Variants in MMS19 observed in about 807,000 individuals in gnomAD.
MMS19 encodes MMS19 cytosolic iron-sulfur assembly component, also known as MMS19 nucleotide excision repair protein homolog.
A neutral mutation model predicts 129.8 loss-of-function variants in MMS19; 77 were observed. The observed-to-expected ratio is 0.59, with a 90% CI of 0.49 to 0.72. The LOEUF is 0.72. MMS19 is among the 30% of genes least tolerant of loss of function. The pLI, the probability that MMS19 is intolerant of heterozygous loss-of-function variation, is 0.00. For missense variants in MMS19, 1,168 were observed against 1,266.3 expected, an observed-to-expected ratio of 0.92 and a Z score of 1.18; for synonymous variants, 491 against 502.8, an observed-to-expected ratio of 0.98 and a Z score of 0.31.
chr10:97,480,836 T>C, intron 3 of MMS19, 106 bp downstream of exon 3: 3 of 746,334 alleles, frequency 4.0e-6, no homozygotes, highest in South Asian at 3.0e-5. Context: ...TAGTAGTTCA[T>C]AGATACTTTA....
At chr10:97,486,894 T>TATATATATATATAA (rs1554852566) in intron 1 of MMS19, among the ~76,000 whole-genome samples, 2 of 135,556 alleles carry the variant, frequency 1.5e-5, no homozygotes, top group Non-Finnish European at 3.2e-5. Context: ...TATATATATA[T>TATATATATATATAA]AAAATTAAGA....
At position 97,468,247 on chromosome 10, in the gene MMS19, C is replaced by A; in HGVS notation, c.1218+5G>T. ...TCATTTCCCCCAAAGATTCTGCTCC[C>A]TTACCTGACTGTGCTTGTGGAACTG... On this transcript the variant is annotated splice_donor_5th_base_variant and intron_variant, in intron 13 of 30. Coordinates refer to ENST00000438925, the MANE Select transcript of MMS19 (RefSeq NM_022362.5). 1 of 1,562,566 alleles carries A rather than the reference C, an allele frequency of 6.4e-7. No homozygotes were observed. Among genetic ancestry groups the A allele is most frequent in the South Asian group, 1.2e-5 (1 of 85,260 alleles).
Position 97,478,333 on chromosome 10 carries a change from G to C in MMS19, c.319C>G (p.Pro107Ala). 6.2e-7 allele frequency: 1 copy of C among 1,604,316 alleles called. No homozygotes were observed. Residue 107 changes from proline (P) to alanine (A), a missense_variant, in exon 4 of 31, where the codon CCA becomes GCA. This residue lies in a region of MMS19 where 329 missense variants were observed against 328.6 expected (regional missense o/e 1.00). Coordinates refer to ENST00000438925, the MANE Select transcript of MMS19 (RefSeq NM_022362.5). ...GCCTTCAAACCCTGCAGGACAGATG[G>C]GATCACAAGATGATGGTCCTTCAGC... Reference protein sequence around the residue: ...NRLKDHHLVIPSVLQGLKALS... With the variant: ...NRLKDHHLVIASVLQGLKALS...
chr10:97,498,126 G>C (rs2040138853), intron 1 of MMS19, 147 bp downstream of exon 1: 1 of 683,366 alleles, frequency 1.5e-6, no homozygotes, highest in Non-Finnish European at 2.4e-6. Flanking sequence ...ACTTGTTACG[G>C]CTCTGAACCT....
rs1231123448 is a variant in MMS19 at position 97,459,652 on chromosome 10, G to C, written c.2739+7C>G. 6.2e-7 allele frequency: 1 copy of C among 1,610,198 alleles called. No homozygotes were observed. The highest frequency in any genetic ancestry group is 8.5e-7 in the Non-Finnish European group (1 of 1,178,070). On this transcript the variant is annotated splice_region_variant and intron_variant, in intron 27 of 30. Coordinates refer to ENST00000438925, the MANE Select transcript of MMS19 (RefSeq NM_022362.5). ...CTTTGCTTAGAAGCTCTGCCTGTGG[G>C]ACTTACCGTGGGCAGCTCTGGCAAG...
chr10:97,470,120 A>G lies in MMS19; in HGVS notation c.846+9T>C, dbSNP rs1477487786. 6.3e-7 allele frequency: 1 copy of G among 1,597,222 alleles called. No homozygotes were observed. The highest frequency in any genetic ancestry group is 8.6e-7 in the Non-Finnish European group (1 of 1,168,748). On this transcript the variant is annotated intron_variant, in intron 10 of 30. Transcript: ENST00000438925. ...GTAGCTGGGTCCTGCAAGGAGAAAA[A>G]TCACTCACCAGAGTCTGTAGAGAAT...
chr10:97,460,731 G>T lies in MMS19; in HGVS notation c.2433C>A (p.Leu811=). 6.3e-7 allele frequency: 1 copy of T among 1,599,642 alleles called. No individual in the cohort carries two copies. Among genetic ancestry groups the T allele is most frequent in the East Asian group, 2.2e-5 (1 of 44,520 alleles). ...GGCAGGAGCTGAGAGGATGGTATCTGAGCACTAGGGCCTTTGTTACCTGTA... is the reference window on the plus strand; with the variant it reads ...GGCAGGAGCTGAGAGGATGGTATCTTAGCACTAGGGCCTTTGTTACCTGTA... The part of the protein sequence containing the change: ...LLLWVTKALV[L]RYHPLSSCLT... Residue 811 remains leucine, a synonymous_variant, in exon 25 of 31, where the codon CTC becomes CTA. Transcript: ENST00000438925.
chr10:97,482,851 C>T (rs933487847), intron 2 of MMS19, among the ~76,000 whole-genome samples: 11 of 151,954 alleles, frequency 7.2e-5, no homozygotes, highest in Admixed American at 2.0e-4. Context: ...AGCTCCGCCT[C>T]GCGGGTTCAC....
chr10:97,491,467 C>T (rs1269015238), intron 1 of MMS19, among the ~76,000 whole-genome samples: 1 of 151,846 alleles, frequency 6.6e-6, no homozygotes, highest in East Asian at 2.0e-4. Flanking sequence ...GAGATCGAGA[C>T]CAGTCTGGCC....
intron 3 of MMS19, among the ~76,000 whole-genome samples, chr10:97,479,170 G>A (rs939018443): frequency 1.3e-5 from 2 of 151,766 alleles, no homozygotes; most frequent in Non-Finnish European, 1.5e-5. Context: ...TAAACTCTCC[G>A]CTACTTAAAA....
Position 97,463,936 on chromosome 10 carries a change from C to G in MMS19, c.1834G>C (p.Asp612His). The G allele has an allele frequency of 6.2e-7, 1 of 1,612,900 alleles. No individual in the cohort carries two copies. The highest frequency in any genetic ancestry group is 8.5e-7 in the Non-Finnish European group (1 of 1,179,406). Residue 612 changes from aspartate to histidine, a missense_variant, in exon 19 of 31, where the codon GAC (aspartate) becomes CAC (histidine). Asp to His is a moderately conservative substitution (Grantham distance 81, BLOSUM62 -1). Coordinates refer to ENST00000438925, the MANE Select transcript of MMS19 (RefSeq NM_022362.5). ...LRQMAEKCQQ[D>H]PESCWYFHQT... ...TGGAAATACCAGCAACTCTCAGGGT[C>G]CTGCTGACATTTTTCTGCCATCTGT... is the stretch of plus-strand genomic sequence containing the variant.
At chr10:97,483,396 T>C (rs1162578228) in intron 2 of MMS19, among the ~76,000 whole-genome samples, 1 of 152,054 alleles carries the variant, frequency 6.6e-6, no homozygotes, top group Non-Finnish European at 1.5e-5. Flanking sequence ...GCCACCACAA[T>C]GTGAGCAGAA....
In MMS19 at chr10:97,461,571, A is replaced by G; in HGVS notation, c.2236T>C (p.Cys746Arg). 3.1e-6 allele frequency: 5 copies of G among 1,602,436 alleles called. No individual in the cohort carries two copies. Among genetic ancestry groups the G allele is most frequent in the Middle Eastern group, 1.7e-4 (1 of 6,010 alleles). Residue 746 changes from cysteine to arginine, a missense_variant, in exon 23 of 31, where the codon TGC (cysteine) becomes CGC (arginine). Around this residue, in one of 3 missense-constraint regions of MMS19, gnomAD observed 831 missense variants for 910.8 expected, o/e 0.91. Transcript: ENST00000438925. Reference sequence around the variant, plus strand: ...GAAGAAAAGGGGCAGCTGTGGCAGCAGCTCAGTTCCAAAAGCTCCCGCATG... The same window carrying G: ...GAAGAAAAGGGGCAGCTGTGGCAGCGGCTCAGTTCCAAAAGCTCCCGCATG... ...QLMRELLELSCCHSCPFSSTA... is the reference protein window; with the variant it reads ...QLMRELLELSRCHSCPFSSTA...
At chr10:97,486,004 CT>C (rs1786026784) in intron 1 of MMS19, among the ~76,000 whole-genome samples, 1 of 152,234 alleles carries the variant, frequency 6.6e-6, no homozygotes. Flanking sequence ...AAATCAGTAT[CT>C]GTAGAGATGT....
intron 19 of MMS19, among the ~76,000 whole-genome samples, chr10:97,463,437 G>A (rs2133334533): frequency 6.6e-6 from 1 of 152,360 alleles, no homozygotes; most frequent in South Asian, 2.1e-4. Context: ...GGGATTACAG[G>A]TGTGAACCAT....
chr10:97,466,431 C>T (rs2033504351), intron 16 of MMS19, 73 bp downstream of exon 16: 2 of 1,229,516 alleles, frequency 1.6e-6, no homozygotes, highest in South Asian at 2.4e-5. Flanking sequence ...GAGCCCTGGT[C>T]CTAGCTTGAT....
At chr10:97,491,423 C>T (rs1365001519) in intron 1 of MMS19, among the ~76,000 whole-genome samples, 1 of 152,118 alleles carries the variant, frequency 6.6e-6, no homozygotes, top group Non-Finnish European at 1.5e-5. Context: ...TCCCAGCACT[C>T]TGGGAGGACG....
chr10:97,491,158 C>G (rs1174023949), intron 1 of MMS19, among the ~76,000 whole-genome samples: 1 of 152,186 alleles, frequency 6.6e-6, no homozygotes, highest in East Asian at 1.9e-4. Context: ...ATAATGGGCA[C>G]AGAAGGAGTT....
At chr10:97,489,857 A>G (rs1589793395) in intron 1 of MMS19, among the ~76,000 whole-genome samples, 2 of 152,310 alleles carry the variant, frequency 1.3e-5, no homozygotes, top group South Asian at 4.1e-4. Context: ...GAGGTGAAGT[A>G]CCCTTCTCAA....
Sources: gnomAD v4.1 joint callset for allele counts (sites outside exome capture counted in the v4.1 genomes callset) on GRCh38, gnomAD v4.1.1 for gene constraint, gnomAD v4.1.1 regional missense constraint, MANE v1.5 for transcripts, NCBI Gene and HGNC (gene_info 2026-07-23, HGNC 2026-07-21) for gene names.